Variants in KCNS1 observed in about 807,000 individuals in gnomAD.
KCNS1 encodes delayed-rectifier potassium channel regulatory subunit KCNS1.
KCNS1 carries 26 observed loss-of-function variants against 33.1 expected under a neutral mutation model. That is an observed-to-expected ratio of 0.79 (90% CI 0.58 to 1.09). The LOEUF (loss-of-function observed/expected upper bound fraction) is 1.09. Among genes scored for constraint, KCNS1 ranks in the 50% least tolerant of loss-of-function variants. KCNS1 has a pLI of 0.00. For synonymous variants in KCNS1, 299 were observed against 338.8 expected, an observed-to-expected ratio of 0.88 and a Z score of 1.29; for missense variants, 702 against 752.4, an observed-to-expected ratio of 0.93 and a Z score of 0.78.
At chr20:45,100,741 C>T (rs1981362872) in intron 1 of KCNS1, among the ~76,000 whole-genome samples, 180 bp downstream of exon 1, 1 of 152,192 alleles carries the variant, frequency 6.6e-6, no homozygotes, top group Admixed American at 6.5e-5. Context: ...TACAGATGAG[C>T]AAACTGTACC....
At position 45,098,515 on chromosome 20, in the gene KCNS1, T is replaced by A. The variant is rs1247368623; in HGVS notation, c.257A>T (p.Glu86Val). 6.6e-7 allele frequency: 1 copy of A among 1,514,378 alleles called. No homozygotes were observed. The highest frequency in any genetic ancestry group is 1.4e-5 in the African/African-American group (1 of 69,228). The allele number at this position is 1,514,378 out of a possible 1,614,324, so 93.8% of individuals were successfully genotyped here. The change falls in exon 3 of 4, where the codon GAG becomes GTG. Residue 86 changes from glutamate (E) to valine (V), a missense_variant. Physicochemically the swap from Glu to Val is moderately radical, Grantham distance 121. This residue lies in a region of KCNS1 where 374 missense variants were observed against 352.3 expected (regional missense o/e 1.06). Coordinates refer to ENST00000537075, the MANE Select transcript of KCNS1 (RefSeq NM_001322799.2). This position sits in a 1 kb window ranked among gnomAD's most constrained non-coding sequence, Gnocchi z 5.2. ...LGRLQAAASE[E>V]QARRLCDDYD... is the part of the protein sequence containing the mutation. ...GTCGTCGCACAGGCGCCGCGCCTGC[T>A]CCTCCGACGCCGCGGCCTGCAGGCG...
In KCNS1 at chr20:45,098,510, C is replaced by A. The variant is rs1981286809; in HGVS notation, c.262G>T (p.Ala88Ser). 2.0e-6 allele frequency: 3 copies of A among 1,526,388 alleles called. No homozygotes were observed. Among genetic ancestry groups the A allele is most frequent in the South Asian group, 2.5e-5 (2 of 81,426 alleles). The allele number at this position is 1,526,388 out of a possible 1,614,324, so 94.6% of individuals were successfully genotyped here. Residue 88 changes from alanine to serine, a missense_variant, in exon 3 of 4, where the codon GCG becomes TCG. Coordinates refer to ENST00000537075, the MANE Select transcript of KCNS1 (RefSeq NM_001322799.2). This position sits in a 1 kb window ranked among gnomAD's most constrained non-coding sequence, Gnocchi z 5.2. ...RLQAAASEEQ[A>S]RRLCDDYDEA... ...TCGTAGTCGTCGCACAGGCGCCGCG[C>A]CTGCTCCTCCGACGCCGCGGCCTGC... is the stretch of plus-strand genomic sequence containing the variant.
Position 45,098,457 on chromosome 20 carries a change from G to A in KCNS1, c.315C>T (p.Asp105=), listed in dbSNP as rs747093109. The A allele has an allele frequency of 2.1e-4, 332 of 1,584,636 alleles. 6 individuals carry two copies. The Admixed American group carries it at 5.8e-3, about 28-fold the overall frequency. The change falls in exon 3 of 4, where the codon GAC becomes GAT. Residue 105 remains aspartate (D), a synonymous_variant. Coordinates refer to ENST00000537075, the MANE Select transcript of KCNS1 (RefSeq NM_001322799.2). The surrounding 1 kb of genome is among the most constrained non-coding windows in gnomAD (Gnocchi z 5.2). ...GGCTCAGGAAGAAGCCCGGGTGCCG[G>A]TCGAAGTAGAATTCGCGCGCCGCCT... ...YDEAAREFYF[D]RHPGFFLSLL... is the part of the protein sequence containing the mutation.
At chr20:45,099,358 T>C in intron 1 of KCNS1, 119 bp from the exon 2 acceptor site, 2 of 664,260 alleles carry the variant, frequency 3.0e-6, no homozygotes, top group South Asian at 1.7e-5. Context: ...TTCGGCTACA[T>C]AGTCAAGTTT....
At chr20:45,097,518 G>A (rs998564631) in intron 3 of KCNS1, 144 bp downstream of exon 3, 1 of 755,150 alleles carries the variant, frequency 1.3e-6, no homozygotes, top group Non-Finnish European at 2.1e-6. Flanking sequence ...CGTACACCTG[G>A]TGTGCAGCCC....
rs1477482660 is a variant in KCNS1 at position 45,093,044 on chromosome 20, G to A, written c.*1826C>T. The A allele has an allele frequency of 1.3e-5, 2 of 152,128 alleles. No individual in the cohort carries two copies. The highest frequency in any genetic ancestry group is 1.3e-4 in the Admixed American group (2 of 15,280). 9.4% of individuals were successfully genotyped at this position (152,128 alleles called of 1,614,324 possible). A position where few individuals can be genotyped will look rare whatever the true frequency, so the allele number is the denominator to read the frequency against. ...TAAGCAGCCCATAAGTCAGAAGCCA[G>A]TATATCAGAGTGGCTGGGCATAACA... is the stretch of plus-strand genomic sequence containing the variant. On this transcript the variant is annotated 3_prime_UTR_variant, in exon 4 of 4. Transcript: ENST00000537075.
Position 45,094,054 on chromosome 20 carries a change from G to C in KCNS1, c.*816C>G, listed in dbSNP as rs1055340487. On this transcript the variant is annotated 3_prime_UTR_variant, in exon 4 of 4. Transcript: ENST00000537075. ...GCTAGGTTGTCTAGATCTCAGGCCA[G>C]GGGCCCTTCAGATTTTCTTTCTCTC... is the stretch of plus-strand genomic sequence containing the variant. The C allele has an allele frequency of 2.0e-5, 3 of 152,260 alleles. No homozygotes were observed. The highest frequency in any genetic ancestry group is 7.2e-5 in the African/African-American group (3 of 41,430). 9.4% of individuals were successfully genotyped at this position (152,260 alleles called of 1,614,324 possible). A position where few individuals can be genotyped will look rare whatever the true frequency, so the allele number is the denominator to read the frequency against.
Position 45,098,541 on chromosome 20 carries a change from G to A in KCNS1, c.231C>T (p.Gly77=), listed in dbSNP as rs1395318485. The A allele has an allele frequency of 1.4e-6, 2 of 1,434,720 alleles. No homozygotes were observed. Among genetic ancestry groups the A allele is most frequent in the African/African-American group, 1.5e-5 (1 of 66,750 alleles). The allele number at this position is 1,434,720 out of a possible 1,614,324, so 88.9% of individuals were successfully genotyped here. A position where few individuals can be genotyped will look rare whatever the true frequency, so the allele number is the denominator to read the frequency against. ...CCTCCGACGCCGCGGCCTGCAGGCG[G>A]CCCAGCCGCGTGCCCGGGAAGCGCG... The part of the protein sequence containing the change: ...ALARFPGTRL[G]RLQAAASEEQ... The change falls in exon 3 of 4, where the codon GGC becomes GGT. Residue 77 remains glycine, a synonymous_variant. Transcript: ENST00000537075. The surrounding 1 kb of genome is among the most constrained non-coding windows in gnomAD (Gnocchi z 5.2).
chr20:45,099,653 C>A (rs1448325280), intron 1 of KCNS1, among the ~76,000 whole-genome samples: 1 of 152,142 alleles, frequency 6.6e-6, no homozygotes, highest in African/African-American at 2.4e-5. Flanking sequence ...GCACCTGGGG[C>A]CTTGAGGAAG....
intron 3 of KCNS1, 149 bp from the exon 4 acceptor site, chr20:45,095,489 TTAAAC>T (rs1487593296): frequency 2.4e-5 from 17 of 696,754 alleles, no homozygotes; most frequent in Admixed American, 5.9e-5. Context: ...TCCCCTGACT[TTAAAC>T]TAAGACCTTT....
rs1234644500 is a variant in KCNS1, at chr20:45,099,154, C to A, written c.76+7G>T. The stretch of plus-strand genomic sequence containing the variant: ...TTCTTCTGCAAAATGAGGATAGTAA[C>A]ACTTACCTCCTAGGGGTGTTGGCAG... On this transcript the variant is annotated splice_region_variant and intron_variant, in intron 2 of 3. Transcript: ENST00000537075. 6.4e-7 allele frequency: 1 copy of A among 1,551,010 alleles called. No individual in the cohort carries two copies. The highest frequency in any genetic ancestry group is 8.7e-7 in the Non-Finnish European group (1 of 1,146,622).
At position 45,098,562 on chromosome 20, in the gene KCNS1, G is replaced by A; in HGVS notation, c.210C>T (p.Arg70=). 7.3e-7 allele frequency: 1 copy of A among 1,376,620 alleles called. No individual in the cohort carries two copies. The highest frequency in any genetic ancestry group is 9.4e-7 in the Non-Finnish European group (1 of 1,064,274). The allele number at this position is 1,376,620 out of a possible 1,614,324, so 85.3% of individuals were successfully genotyped here. A position where few individuals can be genotyped will look rare whatever the true frequency, so the allele number is the denominator to read the frequency against. The change falls in exon 3 of 4, where the codon CGC becomes CGT. Residue 70 remains arginine (R), a synonymous_variant. Transcript: ENST00000537075. The surrounding 1 kb of genome is among the most constrained non-coding windows in gnomAD (Gnocchi z 5.2). ...RRQLSARALA[R]FPGTRLGRLQ... is the part of the protein sequence containing the mutation. ...GGCGGCCCAGCCGCGTGCCCGGGAA[G>A]CGCGCCAGGGCGCGCGCGCTCAGCT... is the stretch of plus-strand genomic sequence containing the variant.
rs4499491 is a variant in KCNS1 at position 45,092,778 on chromosome 20, C to G, written c.*2092G>C. ...ATTCTCTCTGCTTGGAGTACTCCCC[C>G]CTGGAACCTCATTTGCTTAATTAGC... On this transcript the variant is annotated 3_prime_UTR_variant, in exon 4 of 4. Transcript: ENST00000537075. The G allele has an allele frequency of 6.6e-6, 1 of 151,362 alleles. No homozygotes were observed. Among genetic ancestry groups the G allele is most frequent in the Non-Finnish European group, 1.5e-5 (1 of 67,914 alleles). The allele number at this position is 151,362 out of a possible 1,614,324, so 9.4% of individuals were successfully genotyped here.
rs1362405891 is a variant in KCNS1, at chr20:45,100,556, C to T, written c.-4+365G>A. Among the ~76,000 whole-genome samples the T allele has an allele frequency of 5.3e-5, 8 of 152,288 alleles. No homozygotes were observed. In the East Asian group the frequency reaches 1.2e-3, roughly 22 times the overall value. ...GACCAAGTGACTTGTTCAAAATCAC[C>T]CAGCTAGTCCATGGCACAGCTAAGG... On this transcript the variant is annotated intron_variant, in intron 1 of 3. Transcript: ENST00000537075.
At position 45,098,330 on chromosome 20, in the gene KCNS1, G is replaced by T; in HGVS notation, c.442C>A (p.Leu148Ile). 6.4e-7 allele frequency: 1 copy of T among 1,571,434 alleles called. No individual in the cohort carries two copies. Among genetic ancestry groups the T allele is most frequent in the Non-Finnish European group, 8.6e-7 (1 of 1,159,834 alleles). Residue 148 changes from leucine to isoleucine, a missense_variant, in exon 3 of 4, where the codon CTT (leucine) becomes ATT (isoleucine). Around this residue, in one of 3 missense-constraint regions of KCNS1, gnomAD observed 374 missense variants for 352.3 expected, o/e 1.06. Coordinates refer to ENST00000537075, the MANE Select transcript of KCNS1 (RefSeq NM_001322799.2). The surrounding 1 kb of genome is among the most constrained non-coding windows in gnomAD (Gnocchi z 5.2). The part of the protein sequence containing the change: ...ADYWGLGENA[L>I]AACCRARYLE... ...TAGCGCGCGCGGCAGCACGCGGCAA[G>T]CGCGTTCTCGCCTAGGCCCCAGTAG...
rs1398523463 is a variant in KCNS1, at chr20:45,098,389, T to G, written c.383A>C (p.Glu128Ala). Reference sequence around the variant, plus strand: ...CTGGCCAAAGGCGAAGACGCACAGCTCGTCGAGCACGTGCAGGTGGCCAGT... The same window carrying G: ...CTGGCCAAAGGCGAAGACGCACAGCGCGTCGAGCACGTGCAGGTGGCCAGT... ...YRTGHLHVLD[E>A]LCVFAFGQEA... is the part of the protein sequence containing the mutation. The change falls in exon 3 of 4, where the codon GAG becomes GCG. Residue 128 changes from glutamate to alanine, a missense_variant. Transcript: ENST00000537075. This position sits in a 1 kb window ranked among gnomAD's most constrained non-coding sequence, Gnocchi z 5.2. 6.3e-7 allele frequency: 1 copy of G among 1,590,228 alleles called. No individual in the cohort carries two copies. The highest frequency in any genetic ancestry group is 1.3e-5 in the African/African-American group (1 of 74,092).
Position 45,098,173 on chromosome 20 carries a change from C to T in KCNS1, c.599G>A (p.Gly200Asp), listed in dbSNP as rs774522244. 15 of 1,601,532 alleles carry T rather than the reference C, an allele frequency of 9.4e-6. No individual in the cohort carries two copies. In the Middle Eastern group the frequency reaches 5.1e-4, roughly 54 times the overall value. ...CAGCCAGAGGCGGCGGCGCAGGCGGCCACAGCGCGCCGCGCCATAGCGCGC... is the reference window on the plus strand; with the variant it reads ...CAGCCAGAGGCGGCGGCGCAGGCGGTCACAGCGCGCCGCGCCATAGCGCGC... ...ELARYGAARC[G>D]RLRRRLWLTM... The change falls in exon 3 of 4, where the codon GGC becomes GAC. Residue 200 changes from glycine to aspartate, a missense_variant. Around this residue, in one of 3 missense-constraint regions of KCNS1, gnomAD observed 374 missense variants for 352.3 expected, o/e 1.06. Coordinates refer to ENST00000537075, the MANE Select transcript of KCNS1 (RefSeq NM_001322799.2). The surrounding 1 kb of genome is among the most constrained non-coding windows in gnomAD (Gnocchi z 5.2).
Position 45,098,176 on chromosome 20 carries a change from C to T in KCNS1, c.596G>A (p.Cys199Tyr), listed in dbSNP as rs1981262821. ...RELARYGAARCGRLRRRLWLT... is the reference protein window; with the variant it reads ...RELARYGAARYGRLRRRLWLT... ...CCAGAGGCGGCGGCGCAGGCGGCCA[C>T]AGCGCGCCGCGCCATAGCGCGCCAG... The change falls in exon 3 of 4, where the codon TGT (cysteine) becomes TAT (tyrosine). Residue 199 changes from cysteine to tyrosine, a missense_variant. Physicochemically the swap from Cys to Tyr is radical, Grantham distance 194. Around this residue, in one of 3 missense-constraint regions of KCNS1, gnomAD observed 374 missense variants for 352.3 expected, o/e 1.06. Transcript: ENST00000537075. This position sits in a 1 kb window ranked among gnomAD's most constrained non-coding sequence, Gnocchi z 5.2. 1 of 1,602,722 alleles carries T rather than the reference C, an allele frequency of 6.2e-7. No homozygotes were observed.
In KCNS1 at chr20:45,098,800, CTG is replaced by C; in HGVS notation, c.77-107_77-106del. 9.0e-7 allele frequency: 1 copy of C among 1,116,880 alleles called. No homozygotes were observed. Among genetic ancestry groups the C allele is most frequent in the Non-Finnish European group, 1.2e-6 (1 of 854,300 alleles). The allele number at this position is 1,116,880 out of a possible 1,614,324, so 69.2% of individuals were successfully genotyped here. ...CCAACCAGCCAAGGGGTGTTGGAGG[CTG>C]TGTGTGAAGCATCTGGTATGCAGGA... On this transcript the variant is annotated intron_variant, in intron 2 of 3. Transcript: ENST00000537075. The surrounding 1 kb of genome is among the most constrained non-coding windows in gnomAD (Gnocchi z 5.2).
Sources: gnomAD v4.1 joint callset for allele counts (sites outside exome capture counted in the v4.1 genomes callset) on GRCh38, gnomAD v4.1.1 for gene constraint, gnomAD v4.1.1 regional missense constraint, Gnocchi (gnomAD v3.1) non-coding constraint, MANE v1.5 for transcripts, NCBI Gene and HGNC (gene_info 2026-07-23, HGNC 2026-07-21) for gene names.